The following ZFAND3 variants were observed in gnomAD, a reference collection of about 807,000 sequenced individuals.
The protein encoded by ZFAND3 is zinc finger AN1-type containing 3, also known as AN1-type zinc finger protein 3.
ZFAND3 carries 10 observed loss-of-function variants against 29.6 expected under a neutral mutation model. That is an observed-to-expected ratio of 0.34 (90% CI 0.21 to 0.57). The LOEUF (loss-of-function observed/expected upper bound fraction) is 0.57, where lower values mean the gene tolerates loss of function less well. Among genes scored for constraint, ZFAND3 ranks in the 20% least tolerant of loss-of-function variants. The pLI, the probability that ZFAND3 is intolerant of heterozygous loss-of-function variation, is 0.86. For synonymous variants in ZFAND3, 128 were observed against 112.6 expected, an observed-to-expected ratio of 1.14 and a Z score of -0.87; for missense variants, 230 against 304.5, an observed-to-expected ratio of 0.76 and a Z score of 1.82.
intron 5 of ZFAND3, among the ~76,000 whole-genome samples, chr6:38,144,227 A>ATTTTTTTTT (rs1766051946): frequency 2.5e-5 from 2 of 80,134 alleles, no homozygotes; most frequent in East Asian, 3.6e-4. Context: ...TAATATATAT[A>ATTTTTTTTT]TATATTTTTT....
chr6:37,972,650 T>C (rs1188015845), intron 2 of ZFAND3, among the ~76,000 whole-genome samples: 1 of 152,214 alleles, frequency 6.6e-6, no homozygotes, highest in Non-Finnish European at 1.5e-5. Flanking sequence ...GACCAGGTGC[T>C]ATACTTTATG....
At chr6:37,978,736 C>A (rs1303576472) in intron 2 of ZFAND3, among the ~76,000 whole-genome samples, 1 of 152,214 alleles carries the variant, frequency 6.6e-6, no homozygotes, top group Non-Finnish European at 1.5e-5. Flanking sequence ...TCCGTCTCAG[C>A]TCACTGCAAC....
chr6:37,851,657 T>C lies in ZFAND3; in HGVS notation c.71+31641T>C, dbSNP rs546972574. 1.5e-4 allele frequency among the ~76,000 whole-genome samples: 23 copies of C among 152,322 alleles called. No homozygotes were observed. The South Asian group carries it at 4.6e-3, about 30-fold the overall frequency. On this transcript the variant is annotated intron_variant, in intron 1 of 5. Transcript: ENST00000287218. ...GACCCTGAATCCTAAAATAGAATTA[T>C]TTTTAAAATTTTTGTTCAAGAATGA...
chr6:38,092,672 G>A (rs1764897576), intron 4 of ZFAND3, among the ~76,000 whole-genome samples: 1 of 152,190 alleles, frequency 6.6e-6, no homozygotes, highest in Non-Finnish European at 1.5e-5. Flanking sequence ...ATGCTTTTGA[G>A]TAGCACATGA....
chr6:37,908,805 A>G (rs189849820), intron 1 of ZFAND3, among the ~76,000 whole-genome samples: 92 of 151,686 alleles, frequency 6.1e-4, no homozygotes, highest in Admixed American at 9.2e-4. Context: ...GCCAGATTCT[A>G]AAGGAATGAC....
At chr6:38,015,545 C>T (rs940983622) in intron 2 of ZFAND3, among the ~76,000 whole-genome samples, 8 of 152,174 alleles carry the variant, frequency 5.3e-5, no homozygotes, top group African/African-American at 1.7e-4. Flanking sequence ...AACAAGCCAA[C>T]TCTCCAGCAG....
intron 1 of ZFAND3, among the ~76,000 whole-genome samples, chr6:37,907,128 C>T (rs1023739241): frequency 6.6e-6 from 1 of 151,962 alleles, no homozygotes; most frequent in Non-Finnish European, 1.5e-5. Flanking sequence ...TGCACTGACT[C>T]TCTGTCTGCA....
In ZFAND3 at chr6:38,117,256, CTTTTTTT is replaced by C. The variant is rs35684874; in HGVS notation, c.529+533_529+539del. 1.6e-4 allele frequency among the ~76,000 whole-genome samples: 15 copies of C among 96,356 alleles called. No individual in the cohort carries two copies. The South Asian group carries it at 2.1e-3, about 14-fold the overall frequency. The allele number at this position is 96,356 out of a possible 152,430, so 63.2% of individuals were successfully genotyped here. A position where few individuals can be genotyped will look rare whatever the true frequency, so the allele number is the denominator to read the frequency against. On this transcript the variant is annotated intron_variant, in intron 5 of 5. Coordinates refer to ENST00000287218, the MANE Select transcript of ZFAND3 (RefSeq NM_021943.3). ...TAGTCAGTTAATACCTTGAAATAGC[CTTTTTTT>C]TTTTTTTTTTTTTTTCCTGGGCTGA...
At chr6:37,851,119 C>T (rs1390464138) in intron 1 of ZFAND3, among the ~76,000 whole-genome samples, 1 of 150,960 alleles carries the variant, frequency 6.6e-6, no homozygotes, top group East Asian at 1.9e-4. Context: ...GTGACAGGCA[C>T]ATGCCACCAT....
At chr6:37,873,109 ACC>A (rs767976912) in intron 1 of ZFAND3, among the ~76,000 whole-genome samples, 9,897 of 151,298 alleles carry the variant, frequency 0.065, 381 homozygotes, top group Non-Finnish European at 0.085. Context: ...AACAAAAAAA[ACC>A]CCCCAAAAAA....
At chr6:37,938,905 A>G (rs905682640) in intron 2 of ZFAND3, among the ~76,000 whole-genome samples, 2 of 152,168 alleles carry the variant, frequency 1.3e-5, no homozygotes, top group African/African-American at 2.4e-5. Flanking sequence ...GTGTTAGAGT[A>G]TGATAGGGAA....
At chr6:38,003,687 G>C (rs770715315) in intron 2 of ZFAND3, 6 of 150,356 alleles carry the variant, frequency 4.0e-5, no homozygotes, top group Non-Finnish European at 7.1e-5. Context: ...TTTTTTTTTT[G>C]TAGAGACGGG....
intron 1 of ZFAND3, among the ~76,000 whole-genome samples, chr6:37,870,292 CAA>C (rs1174577231): frequency 0.015 from 513 of 33,416 alleles, 3 homozygotes; most frequent in Middle Eastern, 0.067. Flanking sequence ...GAGACTGTCT[CAA>C]AAAAAAAAAA....
At chr6:37,917,265 G>A (rs987436327) in intron 1 of ZFAND3, among the ~76,000 whole-genome samples, 2 of 152,124 alleles carry the variant, frequency 1.3e-5, no homozygotes, top group African/African-American at 4.8e-5. Context: ...TAGAATGTTA[G>A]CGGTCATTGG....
intron 2 of ZFAND3, among the ~76,000 whole-genome samples, chr6:38,035,398 A>G (rs1763639025): frequency 6.6e-6 from 1 of 152,138 alleles, no homozygotes; most frequent in Non-Finnish European, 1.5e-5. Flanking sequence ...GACGTGTCTC[A>G]CGGTTTCTAA....
intron 4 of ZFAND3, among the ~76,000 whole-genome samples, chr6:38,114,385 G>C (rs953269073): frequency 6.6e-6 from 1 of 152,146 alleles, no homozygotes; most frequent in Non-Finnish European, 1.5e-5. Flanking sequence ...AAGGGAGAGC[G>C]CCTGCCCTAT....
chr6:38,153,469 T>C lies in ZFAND3; in HGVS notation c.*1080T>C. On this transcript the variant is annotated 3_prime_UTR_variant, in exon 6 of 6. Coordinates refer to ENST00000287218, the MANE Select transcript of ZFAND3 (RefSeq NM_021943.3). ...GGACACCCAGTCCACATCTACCATA[T>C]AGCAAGTTTAGTAAGGGAAGGCAGC... 1 of 985,578 alleles carries C rather than the reference T, an allele frequency of 1.0e-6. No homozygotes were observed. Among genetic ancestry groups the C allele is most frequent in the Non-Finnish European group, 1.2e-6 (1 of 830,080 alleles). 61.1% of individuals were successfully genotyped at this position (985,578 alleles called of 1,614,324 possible). A position where few individuals can be genotyped will look rare whatever the true frequency, so the allele number is the denominator to read the frequency against.
intron 1 of ZFAND3, among the ~76,000 whole-genome samples, chr6:37,851,152 CT>C (rs112090301): frequency 1.1e-3 from 157 of 139,076 alleles, no homozygotes; most frequent in Middle Eastern, 3.8e-3. Flanking sequence ...TTATCGTTTT[CT>C]TTTTTTTTTT....
At chr6:38,053,304 ATT>A (rs60101357) in intron 2 of ZFAND3, among the ~76,000 whole-genome samples, 1 of 145,204 alleles carries the variant, frequency 6.9e-6, no homozygotes. Flanking sequence ...TTTTCTTACA[ATT>A]TTTTTTTTTT....
Sources: gnomAD v4.1 joint callset for allele counts (sites outside exome capture counted in the v4.1 genomes callset) on GRCh38, gnomAD v4.1.1 for gene constraint, MANE v1.5 for transcripts, NCBI Gene and HGNC (gene_info 2026-07-23, HGNC 2026-07-21) for gene names.